RBFOX1: variants seen among roughly 807,000 people sequenced by gnomAD.
The protein encoded by RBFOX1 is RNA binding fox-1 homolog 1, also known as RNA binding protein fox-1 homolog 1.
Under a neutral mutation model 57.7 loss-of-function variants are expected in RBFOX1, and 8 were observed. That is an observed-to-expected ratio of 0.14 (90% CI 0.08 to 0.25). The LOEUF (loss-of-function observed/expected upper bound fraction) is 0.25. RBFOX1 is among the 10% of genes least tolerant of loss of function. The pLI is 1.00. For synonymous variants in RBFOX1, 326 were observed against 222.4 expected (o/e 1.47, Z -4.15); for missense variants, 611 against 548.5 (o/e 1.11, Z -1.14).
chr16:5,707,670 T>C (rs1214562211), intron 3 of RBFOX1, among the ~76,000 whole-genome samples: 1 of 152,234 alleles, frequency 6.6e-6, no homozygotes, highest in Non-Finnish European at 1.5e-5. Flanking sequence ...TGTTGCATCC[T>C]TGTTTGGAAA....
intron 4 of RBFOX1, among the ~76,000 whole-genome samples, chr16:7,193,936 G>A (rs985641403): frequency 2.6e-5 from 4 of 151,802 alleles, no homozygotes; most frequent in Non-Finnish European, 5.9e-5. Context: ...AAATATAGTA[G>A]CATCTATCTC....
intron 3 of RBFOX1, among the ~76,000 whole-genome samples, chr16:6,806,821 T>TATAAATATATAAATATATAA (rs1448061371): frequency 1.3e-5 from 1 of 78,036 alleles, no homozygotes; most frequent in African/African-American, 4.7e-5. Context: ...TATATAAATA[T>TATAAATATATAAATATATAA]ATATATATAT....
intron 3 of RBFOX1, among the ~76,000 whole-genome samples, chr16:6,693,079 C>T (rs112407975): frequency 0.035 from 4,746 of 134,396 alleles, 243 homozygotes; most frequent in African/African-American, 0.11. Flanking sequence ...TCCTCCTCTA[C>T]TACCATCACA....
chr16:5,432,139 G>T (rs1487928639), intron 1 of RBFOX1, among the ~76,000 whole-genome samples: 1 of 152,196 alleles, frequency 6.6e-6, no homozygotes, highest in Non-Finnish European at 1.5e-5. Flanking sequence ...GGTGGTCTCT[G>T]TGGAGGGAAA....
intron 3 of RBFOX1, among the ~76,000 whole-genome samples, chr16:6,790,629 T>C (rs142228587): frequency 2.2e-3 from 338 of 152,316 alleles, no homozygotes; most frequent in Middle Eastern, 6.8e-3. Context: ...CTCTTTACTG[T>C]AGTTAGGACT....
intron 2 of RBFOX1, among the ~76,000 whole-genome samples, chr16:6,416,943 G>A (rs183435073): frequency 6.6e-6 from 1 of 152,118 alleles, no homozygotes; most frequent in Non-Finnish European, 1.5e-5. Flanking sequence ...GTAACTTTCT[G>A]TGCATATTTT....
intron 7 of RBFOX1, among the ~76,000 whole-genome samples, chr16:7,593,756 G>A (rs761153830): frequency 6.6e-6 from 1 of 151,890 alleles, no homozygotes; most frequent in African/African-American, 2.4e-5. Flanking sequence ...CACATTCCAC[G>A]GGGTGACTGT....
intron 4 of RBFOX1, among the ~76,000 whole-genome samples, chr16:7,101,706 TA>T (rs910743841): frequency 1.6e-4 from 24 of 152,274 alleles, no homozygotes; most frequent in Middle Eastern, 6.8e-3. Flanking sequence ...GGTGATTTTT[TA>T]AAAATGTATT....
chr16:7,185,846 G>C (rs2083620431), intron 4 of RBFOX1, among the ~76,000 whole-genome samples: 1 of 152,062 alleles, frequency 6.6e-6, no homozygotes, highest in African/African-American at 2.4e-5. Flanking sequence ...GAGTGATTTG[G>C]ATTCCATGGC....
At position 7,136,153 on chromosome 16, in the gene RBFOX1, A is replaced by C. The variant is rs536853281; in HGVS notation, c.27+84055A>C. Among the ~76,000 whole-genome samples, 282 of 152,306 alleles carry C rather than the reference A, an allele frequency of 1.9e-3. 1 individual carries two copies. Among genetic ancestry groups the C allele is most frequent in the African/African-American group, 6.5e-3 (271 of 41,566 alleles). ...ATGGTTTTCCACAGTAAATGGAAAG[A>C]CCTCAAGATTCGGGAGAGTTTGGCA... On this transcript the variant is annotated intron_variant, in intron 4 of 15. Coordinates refer to ENST00000550418, the MANE Select transcript of RBFOX1 (RefSeq NM_018723.4).
At chr16:6,810,062 C>G (rs924837295) in intron 3 of RBFOX1, among the ~76,000 whole-genome samples, 5 of 148,794 alleles carry the variant, frequency 3.4e-5, no homozygotes, top group Non-Finnish European at 7.4e-5. Flanking sequence ...GTAGACAATG[C>G]TCTGGTCTGA....
intron 5 of RBFOX1, among the ~76,000 whole-genome samples, chr16:7,546,158 C>G (rs1360500497): frequency 6.6e-6 from 1 of 151,748 alleles, no homozygotes; most frequent in African/African-American, 2.4e-5. Context: ...GAAACCCTGT[C>G]TCTACTAAAA....
At chr16:6,634,720 A>AACACAAAG (rs747259880) in intron 2 of RBFOX1, among the ~76,000 whole-genome samples, 75,927 of 140,290 alleles carry the variant, frequency 0.54, 22,867 homozygotes, top group South Asian at 0.77. Flanking sequence ...TTAAATATAT[A>AACACAAAG]ATACAAAGAT....
At chr16:6,443,395 TC>T (rs75065314) in intron 2 of RBFOX1, among the ~76,000 whole-genome samples, 17,004 of 152,016 alleles carry the variant, frequency 0.11, 2,631 homozygotes, top group African/African-American at 0.35. Flanking sequence ...CATTTTCCCA[TC>T]CCCCCCATCC....
chr16:5,252,181 C>T (rs1413159200), intron 1 of RBFOX1, among the ~76,000 whole-genome samples: 3 of 152,142 alleles, frequency 2.0e-5, no homozygotes, highest in Admixed American at 1.3e-4. Context: ...TCATCACAGC[C>T]CTTGACTCTC....
At chr16:5,312,749 C>G (rs2064126440) in intron 1 of RBFOX1, among the ~76,000 whole-genome samples, 1 of 152,244 alleles carries the variant, frequency 6.6e-6, no homozygotes, top group South Asian at 2.1e-4. Flanking sequence ...CTCAACATCA[C>G]TCATCACCTA....
intron 4 of RBFOX1, among the ~76,000 whole-genome samples, chr16:7,513,914 A>C (rs1318998541): frequency 6.6e-6 from 1 of 152,112 alleles, no homozygotes; most frequent in Non-Finnish European, 1.5e-5. Flanking sequence ...CTGTTTTTGC[A>C]CCATTTTCAA....
At chr16:5,565,217 A>T (rs114451221) in intron 2 of RBFOX1, among the ~76,000 whole-genome samples, 2,568 of 152,262 alleles carry the variant, frequency 0.017, 82 homozygotes, top group African/African-American at 0.058. Context: ...CCTTTTGCTA[A>T]GCTATCTCCA....
intron 3 of RBFOX1, among the ~76,000 whole-genome samples, chr16:5,777,803 C>T (rs2054194623): frequency 2.0e-5 from 3 of 152,176 alleles, no homozygotes; most frequent in South Asian, 4.1e-4. Context: ...AATACCCTCA[C>T]TCTCCTACTT....
Sources: allele counts gnomAD v4.1 joint callset (sites outside exome capture counted in the v4.1 genomes callset), GRCh38; gene constraint gnomAD v4.1.1; transcripts MANE v1.5; gene names NCBI Gene and HGNC (gene_info 2026-07-23, HGNC 2026-07-21).